The following ARMC8 variants were observed in gnomAD, a reference collection of about 807,000 sequenced individuals.
The protein encoded by ARMC8 is armadillo repeat-containing protein 8.
Under a neutral mutation model 99.3 loss-of-function variants are expected in ARMC8, and 20 were observed. That is an observed-to-expected ratio of 0.20 (90% CI 0.14 to 0.29). The LOEUF (loss-of-function observed/expected upper bound fraction) is 0.29, where lower values mean the gene tolerates loss of function less well. Among genes scored for constraint, ARMC8 ranks in the 10% least tolerant of loss-of-function variants. ARMC8 has a pLI of 1.00. For missense variants in ARMC8, 569 were observed against 809.5 expected (o/e 0.70, Z 3.60); for synonymous variants, 263 against 278.3 (o/e 0.95, Z 0.55).
At chr3:138,287,217 A>G (rs951654769) in intron 19 of ARMC8, among the ~76,000 whole-genome samples, 1 of 152,240 alleles carries the variant, frequency 6.6e-6, no homozygotes, top group Admixed American at 6.5e-5. Flanking sequence ...AATGAAATCC[A>G]GAGTCCTTAC....
intron 6 of ARMC8, among the ~76,000 whole-genome samples, chr3:138,231,455 A>G (rs2046022991): frequency 6.6e-6 from 1 of 152,160 alleles, no homozygotes; most frequent in Non-Finnish European, 1.5e-5. Context: ...AGAGCTCACT[A>G]AAGCATTTGT....
intron 1 of ARMC8, among the ~76,000 whole-genome samples, chr3:138,197,000 T>C (rs1374679197): frequency 6.6e-6 from 1 of 152,128 alleles, no homozygotes; most frequent in Non-Finnish European, 1.5e-5. Flanking sequence ...TTACCCAGAG[T>C]ATGCCAGTAA....
Position 138,247,069 on chromosome 3 carries a change from C to T in ARMC8, c.1134+1886C>T, listed in dbSNP as rs570334591. Among the ~76,000 whole-genome samples, 4 of 152,182 alleles carry T rather than the reference C, an allele frequency of 2.6e-5. No homozygotes were observed. In the South Asian group the frequency reaches 6.2e-4, roughly 24 times the overall value. ...TAAAGTAATTTTGTGATAAAATCTA[C>T]TTGAAGACTGGCCATAGGCGTGGAA... On this transcript the variant is annotated intron_variant, in intron 12 of 21. Coordinates refer to ENST00000469044, the MANE Select transcript of ARMC8 (RefSeq NM_001363941.2).
intron 1 of ARMC8, 85 bp from the exon 2 acceptor site, chr3:138,209,732 T>A: frequency 8.8e-7 from 1 of 1,130,738 alleles, no homozygotes; most frequent in South Asian, 1.3e-5. Flanking sequence ...AGTTAAATTA[T>A]CTAGTCACTT....
At chr3:138,284,331 AT>A in intron 18 of ARMC8, 99 bp from the exon 19 acceptor site, 1 of 807,242 alleles carries the variant, frequency 1.2e-6, no homozygotes, top group Non-Finnish European at 2.1e-6. Flanking sequence ...ACCTGTGAGA[AT>A]CCATGTACCT....
intron 1 of ARMC8, among the ~76,000 whole-genome samples, chr3:138,205,885 A>T (rs1478077705): frequency 6.6e-6 from 1 of 152,222 alleles, no homozygotes; most frequent in South Asian, 2.1e-4. Context: ...AAAAATCCTA[A>T]CAATGACCAA....
intron 21 of ARMC8, among the ~76,000 whole-genome samples, chr3:138,294,857 T>G (rs1305275336): frequency 6.6e-6 from 1 of 151,966 alleles, no homozygotes; most frequent in Non-Finnish European, 1.5e-5. Flanking sequence ...ACTGTTCACA[T>G]TATTTTTTGG....
chr3:138,289,146 G>GA lies in ARMC8; in HGVS notation c.1894+33dup. On this transcript the variant is annotated intron_variant, in intron 20 of 21. Transcript: ENST00000469044. ...GTAAGAGATTGGTGAGATTTGTTTT[G>GA]AAAAAAATTATGGGAAGAGTGTCTT... 1.9e-6 allele frequency: 3 copies of GA among 1,580,146 alleles called. No homozygotes were observed. The South Asian group carries it at 3.4e-5, about 18-fold the overall frequency.
At chr3:138,251,134 T>A in intron 12 of ARMC8, among the ~76,000 whole-genome samples, 1 of 150,742 alleles carries the variant, frequency 6.6e-6, no homozygotes, top group South Asian at 2.1e-4. Flanking sequence ...ACTACTGCAC[T>A]ACAGCCTAGG....
chr3:138,222,131 TG>T, intron 3 of ARMC8, 134 bp downstream of exon 3: 2 of 659,228 alleles, frequency 3.0e-6, no homozygotes, highest in East Asian at 5.7e-5. Context: ...TAAAAATAAA[TG>T]TAAGTATTTA....
intron 6 of ARMC8, among the ~76,000 whole-genome samples, chr3:138,234,526 C>T (rs1239296104): frequency 2.0e-5 from 3 of 152,172 alleles, no homozygotes; most frequent in African/African-American, 7.2e-5. Context: ...TCAGACCTCC[C>T]TGATGTGTTA....
intron 21 of ARMC8, among the ~76,000 whole-genome samples, chr3:138,291,494 T>C (rs2050947642): frequency 1.3e-5 from 2 of 152,220 alleles, no homozygotes; most frequent in Non-Finnish European, 2.9e-5. Flanking sequence ...TTTTAGGCAC[T>C]GGAGATATAA....
chr3:138,213,405 T>C (rs552161166), intron 2 of ARMC8, among the ~76,000 whole-genome samples: 1 of 152,336 alleles, frequency 6.6e-6, no homozygotes, highest in South Asian at 2.1e-4. Context: ...ATAGTTAGCA[T>C]AAACTTGAAT....
intron 7 of ARMC8, among the ~76,000 whole-genome samples, chr3:138,236,747 AAAC>A (rs2046353632): frequency 6.6e-6 from 1 of 152,268 alleles, no homozygotes; most frequent in Admixed American, 6.5e-5. Context: ...AAAAAAAAAA[AAAC>A]ATCTCTTAGG....
At chr3:138,246,876 A>G in intron 12 of ARMC8, 2 of 905,386 alleles carry the variant, frequency 2.2e-6, no homozygotes, top group Non-Finnish European at 2.6e-6. Context: ...AAAAAGTTAT[A>G]ATTATTAATT....
At chr3:138,256,690 G>A (rs2047428425) in intron 12 of ARMC8, among the ~76,000 whole-genome samples, 1 of 152,218 alleles carries the variant, frequency 6.6e-6, no homozygotes, top group African/African-American at 2.4e-5. Flanking sequence ...CATTACAGGC[G>A]TGAGCCACCG....
intron 12 of ARMC8, among the ~76,000 whole-genome samples, chr3:138,251,202 T>G (rs2047109307): frequency 6.6e-6 from 1 of 152,128 alleles, no homozygotes; most frequent in East Asian, 1.9e-4. Context: ...TGCATTCACT[T>G]TGAACATTTT....
chr3:138,289,386 GA>G (rs2050733259), intron 20 of ARMC8, among the ~76,000 whole-genome samples: 1 of 152,222 alleles, frequency 6.6e-6, no homozygotes, highest in Admixed American at 6.5e-5. Flanking sequence ...CCTGCCAGGA[GA>G]GAGCTGATGA....
Position 138,296,143 on chromosome 3 carries a change from A to G in ARMC8, c.*251A>G, listed in dbSNP as rs550894990. ...TGAGCTACTCGGACTCTTTATTAGA[A>G]CAATCAATCATTTTCCTTTGGACCT... On this transcript the variant is annotated 3_prime_UTR_variant, in exon 22 of 22. Transcript: ENST00000469044. The G allele has an allele frequency of 9.0e-5, 38 of 423,894 alleles. 1 individual carries two copies. The South Asian group carries it at 1.2e-3, about 14-fold the overall frequency. 26.3% of individuals were successfully genotyped at this position (423,894 alleles called of 1,614,324 possible).
Sources: allele counts gnomAD v4.1 joint callset (sites outside exome capture counted in the v4.1 genomes callset), GRCh38; gene constraint gnomAD v4.1.1; transcripts MANE v1.5; gene names NCBI Gene and HGNC (gene_info 2026-07-23, HGNC 2026-07-21).